SGMS1: variants seen among roughly 807,000 people sequenced by gnomAD.
The protein encoded by SGMS1 is phosphatidylcholine:ceramide cholinephosphotransferase 1.
In SGMS1, 13 loss-of-function variants were observed where a neutral mutation model predicts 46.2. That is an observed-to-expected ratio of 0.28 (90% CI 0.18 to 0.45). The LOEUF (loss-of-function observed/expected upper bound fraction) is 0.45, where lower values mean the gene tolerates loss of function less well. Among genes scored for constraint, SGMS1 ranks in the 20% least tolerant of loss-of-function variants. The pLI, the probability that SGMS1 is intolerant of heterozygous loss-of-function variation, is 1.00. For missense variants in SGMS1, 324 were observed against 519.9 expected, an observed-to-expected ratio of 0.62 and a Z score of 3.66; for synonymous variants, 203 against 187.8, an observed-to-expected ratio of 1.08 and a Z score of -0.66.
chr10:50,373,835 T>C (rs942968857), intron 6 of SGMS1, among the ~76,000 whole-genome samples: 3 of 152,196 alleles, frequency 2.0e-5, no homozygotes, highest in Non-Finnish European at 4.4e-5. Flanking sequence ...AAAATAACCA[T>C]TAGCAGTCCC....
intron 5 of SGMS1, among the ~76,000 whole-genome samples, chr10:50,459,044 T>C (rs577719086): frequency 3.3e-5 from 5 of 152,326 alleles, no homozygotes; most frequent in Non-Finnish European, 7.4e-5. Flanking sequence ...TTGTGAACTA[T>C]GGAAGAATAT....
At chr10:50,447,583 G>C (rs377741054) in intron 5 of SGMS1, among the ~76,000 whole-genome samples, 1 of 151,890 alleles carries the variant, frequency 6.6e-6, no homozygotes, top group East Asian at 1.9e-4. Flanking sequence ...ATATTTCTTA[G>C]CTCAAAAATA....
intron 6 of SGMS1, among the ~76,000 whole-genome samples, chr10:50,365,639 T>A (rs1302866192): frequency 6.6e-6 from 1 of 152,140 alleles, no homozygotes; most frequent in Non-Finnish European, 1.5e-5. Context: ...TGTGTCCATG[T>A]GTTCTCCTTG....
intron 3 of SGMS1, among the ~76,000 whole-genome samples, chr10:50,490,995 T>G (rs1837563437): frequency 6.6e-6 from 1 of 152,110 alleles, no homozygotes; most frequent in Non-Finnish European, 1.5e-5. Flanking sequence ...TGATATTAAT[T>G]GATATTTTAG....
rs187494692 is a variant in SGMS1 at position 50,458,394 on chromosome 10, C to T, written c.-313+2279G>A. Among the ~76,000 whole-genome samples, 130 of 130,498 alleles carry T rather than the reference C, an allele frequency of 1.0e-3. 1 individual carries two copies. Among genetic ancestry groups the T allele is most frequent in the Non-Finnish European group, 1.6e-3 (106 of 65,048 alleles). The allele number at this position is 130,498 out of a possible 152,430, so 85.6% of individuals were successfully genotyped here. On this transcript the variant is annotated intron_variant, in intron 5 of 10. Transcript: ENST00000361781. ...TGTTTGAGGTGGAGTCTCGCTCCGT[C>T]GCCCAGGCTGGAGTGCAGTGGCACA...
At chr10:50,402,762 T>C (rs1848959797) in intron 6 of SGMS1, among the ~76,000 whole-genome samples, 1 of 152,064 alleles carries the variant, frequency 6.6e-6, no homozygotes, top group African/African-American at 2.4e-5. Context: ...TCAATAGCTT[T>C]AGAGGTAGAA....
Position 50,366,920 on chromosome 10 carries a change from G to A in SGMS1, c.-231-22575C>T, listed in dbSNP as rs542222299. ...ACATACCTATGTAACAAAACTGCAC[G>A]TTCTGCACATGTAACCCAGATCTTG... On this transcript the variant is annotated intron_variant, in intron 6 of 10. Coordinates refer to ENST00000361781, the MANE Select transcript of SGMS1 (RefSeq NM_147156.4). Among the ~76,000 whole-genome samples the A allele has an allele frequency of 2.0e-5, 3 of 152,214 alleles. No homozygotes were observed. The East Asian group carries it at 5.8e-4, about 29-fold the overall frequency.
chr10:50,471,469 A>G (rs1053467932), intron 3 of SGMS1, among the ~76,000 whole-genome samples: 1 of 152,194 alleles, frequency 6.6e-6, no homozygotes, highest in Non-Finnish European at 1.5e-5. Flanking sequence ...GGGGCCAGAC[A>G]CAATTCTAAA....
rs551208307 is a variant in SGMS1, at chr10:50,498,659, T to G, written c.-498+21172A>C. The stretch of plus-strand genomic sequence containing the variant: ...TCAGAATTTCCTTCCTTTTTAGGGC[T>G]GAATAATATTCCATTGTATGCAAAC... On this transcript the variant is annotated intron_variant, in intron 3 of 10. Coordinates refer to ENST00000361781, the MANE Select transcript of SGMS1 (RefSeq NM_147156.4). Among the ~76,000 whole-genome samples, 7 of 152,368 alleles carry G rather than the reference T, an allele frequency of 4.6e-5. 1 individual carries two copies. The South Asian group carries it at 6.2e-4, about 14-fold the overall frequency.
intron 1 of SGMS1, among the ~76,000 whole-genome samples, chr10:50,611,899 C>T (rs1564444237): frequency 6.6e-6 from 1 of 152,178 alleles, no homozygotes; most frequent in Admixed American, 6.5e-5. Context: ...CCAACTCCTG[C>T]CTAAACTGTC....
intron 2 of SGMS1, among the ~76,000 whole-genome samples, chr10:50,524,037 A>C (rs923302320): frequency 2.0e-5 from 3 of 152,222 alleles, no homozygotes; most frequent in Non-Finnish European, 4.4e-5. Context: ...CATTTTCTCA[A>C]AAGGAATCAA....
chr10:50,596,609 A>G (rs921497239), intron 1 of SGMS1, among the ~76,000 whole-genome samples: 2 of 152,244 alleles, frequency 1.3e-5, no homozygotes, highest in Admixed American at 6.5e-5. Flanking sequence ...GACTCAAAGT[A>G]AAACATTTGG....
At position 50,433,634 on chromosome 10, in the gene SGMS1, C is replaced by A. The variant is rs947080966; in HGVS notation, c.-312-78G>T. 3 of 152,426 alleles carry A rather than the reference C, an allele frequency of 2.0e-5. No individual in the cohort carries two copies. The East Asian group carries it at 5.6e-4, about 29-fold the overall frequency. 9.4% of individuals were successfully genotyped at this position (152,426 alleles called of 1,614,324 possible). A position where few individuals can be genotyped will look rare whatever the true frequency, so the allele number is the denominator to read the frequency against. On this transcript the variant is annotated intron_variant, in intron 5 of 10. Transcript: ENST00000361781. ...CTTGATTTCCACTAGTTAGTCTCTTCTTCACACACAAGACATAGAAAAGTC... is the reference window on the plus strand; with the variant it reads ...CTTGATTTCCACTAGTTAGTCTCTTATTCACACACAAGACATAGAAAAGTC...
chr10:50,625,021 G>A, upstream of SGMS1: 1 of 1,005,712 alleles, frequency 9.9e-7, no homozygotes, highest in Non-Finnish European at 1.2e-6. Context: ...GTCCTCCCCC[G>A]CCACGCCCTC....
chr10:50,517,949 G>T lies in SGMS1; in HGVS notation c.-498+1882C>A, dbSNP rs527940095. On this transcript the variant is annotated intron_variant, in intron 3 of 10. Transcript: ENST00000361781. ...TAAAGACATTTCAGAAACCAAAATT[G>T]AGAGAAGTTACCACCAAAAGATTCT... Among the ~76,000 whole-genome samples, 12 of 152,228 alleles carry T rather than the reference G, an allele frequency of 7.9e-5. No homozygotes were observed. The South Asian group carries it at 2.3e-3, about 29-fold the overall frequency.
intron 2 of SGMS1, among the ~76,000 whole-genome samples, chr10:50,574,961 GTGTATATA>G (rs1476018386): frequency 4.4e-5 from 2 of 45,294 alleles, no homozygotes; most frequent in Non-Finnish European, 8.8e-5. Flanking sequence ...GGAAAATGTG[GTGTATATA>G]TATATATATA....
At chr10:50,402,825 T>C (rs932673219) in intron 6 of SGMS1, among the ~76,000 whole-genome samples, 11 of 152,124 alleles carry the variant, frequency 7.2e-5, no homozygotes, top group African/African-American at 1.9e-4. Flanking sequence ...GATATTAGCG[T>C]ACCTGTCACC....
At chr10:50,612,225 A>C (rs1193630979) in intron 1 of SGMS1, among the ~76,000 whole-genome samples, 1 of 152,210 alleles carries the variant, frequency 6.6e-6, no homozygotes, top group Admixed American at 6.5e-5. Flanking sequence ...CCTTAACCTG[A>C]GATTTGTTAT....
chr10:50,575,613 C>T (rs541177897), intron 2 of SGMS1, among the ~76,000 whole-genome samples: 1 of 152,150 alleles, frequency 6.6e-6, no homozygotes, highest in African/African-American at 2.4e-5. Flanking sequence ...ACCCTCCTCC[C>T]CCCACACACA....
Sources: gnomAD v4.1 joint callset for allele counts (sites outside exome capture counted in the v4.1 genomes callset) on GRCh38, gnomAD v4.1.1 for gene constraint, MANE v1.5 for transcripts, NCBI Gene and HGNC (gene_info 2026-07-23, HGNC 2026-07-21) for gene names.